The following GNA14 variants were observed in gnomAD, a reference collection of about 807,000 sequenced individuals.
GNA14 encodes the protein guanine nucleotide-binding protein subunit alpha-14.
A neutral mutation model predicts 42.0 loss-of-function variants in GNA14; 50 were observed. That is an observed-to-expected ratio of 1.19 (90% CI 0.95 to 1.51). GNA14 has a LOEUF of 1.51. Ranked by LOEUF, GNA14 falls within the 40% of genes most tolerant of loss-of-function variation. The probability of loss-of-function intolerance (pLI) is 0.00; values close to 1 mark genes in which losing one functional copy is unlikely to be tolerated. For missense variants in GNA14, 473 were observed against 446.2 expected (o/e 1.06, Z -0.54); for synonymous variants, 173 against 163.1 (o/e 1.06, Z -0.46).
At chr9:77,479,955 A>C (rs1374203047) in intron 2 of GNA14, among the ~76,000 whole-genome samples, 3 of 152,022 alleles carry the variant, frequency 2.0e-5, no homozygotes, top group Non-Finnish European at 4.4e-5. Context: ...TTTGGGCTGA[A>C]ATGATGGGGT....
At chr9:77,448,499 A>G (rs137963955) in intron 2 of GNA14, among the ~76,000 whole-genome samples, 182 of 152,324 alleles carry the variant, frequency 1.2e-3, no homozygotes, top group Non-Finnish European at 1.8e-3. Flanking sequence ...AGGCTAAGCT[A>G]TTCTGTTTGG....
At chr9:77,484,127 T>C (rs1249171096) in intron 2 of GNA14, among the ~76,000 whole-genome samples, 3 of 152,046 alleles carry the variant, frequency 2.0e-5, no homozygotes, top group Admixed American at 2.0e-4. Context: ...AAATAACAAC[T>C]GGAACACAGT....
Position 77,538,080 on chromosome 9 carries a change from T to C in GNA14, c.125-8827A>G, listed in dbSNP as rs200465014. ...TACAGAAGCTTCTTTTTTTTTTTTT[T>C]CCCTTAAAGAGACAAGGTTTCATTC... On this transcript the variant is annotated intron_variant, in intron 1 of 6. Transcript: ENST00000341700. 4.7e-3 allele frequency among the ~76,000 whole-genome samples: 710 copies of C among 151,130 alleles called. 9 individuals carry two copies. Among genetic ancestry groups the C allele is most frequent in the African/African-American group, 0.014 (595 of 41,138 alleles).
chr9:77,487,025 A>G (rs1317592167), intron 2 of GNA14, among the ~76,000 whole-genome samples: 1 of 152,066 alleles, frequency 6.6e-6, no homozygotes, highest in Non-Finnish European at 1.5e-5. Flanking sequence ...TGTTAAAAAA[A>G]AAAAAAAGGC....
Position 77,586,976 on chromosome 9 carries a change from G to GT in GNA14, c.125-57724dup, listed in dbSNP as rs3052396. On this transcript the variant is annotated intron_variant, in intron 1 of 6. Coordinates refer to ENST00000341700, the MANE Select transcript of GNA14 (RefSeq NM_004297.4). Reference sequence around the variant, plus strand: ...GTCTGCAGCTCGATTTTACAGGCTGGTTTTTTTTTTTTTTTTAATAGAAAA... The same window carrying GT: ...GTCTGCAGCTCGATTTTACAGGCTGGTTTTTTTTTTTTTTTTTAATAGAAAA... Among the ~76,000 whole-genome samples the GT allele has an allele frequency of 2.9e-3, 419 of 142,996 alleles. 2 individuals are homozygous for GT. The highest frequency in any genetic ancestry group is 0.011 in the East Asian group (54 of 4,852). The allele number at this position is 142,996 out of a possible 152,430, so 93.8% of individuals were successfully genotyped here. A position where few individuals can be genotyped will look rare whatever the true frequency, so the allele number is the denominator to read the frequency against.
intron 2 of GNA14, among the ~76,000 whole-genome samples, chr9:77,493,149 T>A (rs1353163810): frequency 6.6e-6 from 1 of 150,490 alleles, no homozygotes; most frequent in Middle Eastern, 3.2e-3. Flanking sequence ...CATAGGACAT[T>A]TGAAGGATTG....
intron 2 of GNA14, among the ~76,000 whole-genome samples, chr9:77,516,523 C>T (rs62573375): frequency 0.13 from 19,270 of 152,154 alleles, 1,549 homozygotes; most frequent in East Asian, 0.2. Flanking sequence ...GCCAGGAGTT[C>T]GAGACCAGCC....
chr9:77,603,703 C>T (rs1190891111), intron 1 of GNA14, among the ~76,000 whole-genome samples: 2 of 151,988 alleles, frequency 1.3e-5, no homozygotes, highest in African/African-American at 2.4e-5. Context: ...CAGTGGCTCA[C>T]GCCTGTAATC....
intron 2 of GNA14, among the ~76,000 whole-genome samples, chr9:77,509,989 A>G (rs1339302712): frequency 1.3e-5 from 2 of 152,192 alleles, no homozygotes; most frequent in African/African-American, 4.8e-5. Context: ...CACTTTTCGT[A>G]TTTACAATTT....
intron 1 of GNA14, among the ~76,000 whole-genome samples, chr9:77,559,072 T>C (rs1287083546): frequency 6.6e-6 from 1 of 152,174 alleles, no homozygotes; most frequent in African/African-American, 2.4e-5. Context: ...TGAGGATGAT[T>C]TAAAGCCTGT....
chr9:77,566,762 T>G (rs1822974629), intron 1 of GNA14, among the ~76,000 whole-genome samples: 1 of 152,156 alleles, frequency 6.6e-6, no homozygotes, highest in South Asian at 2.1e-4. Flanking sequence ...CACCCTTTTA[T>G]GAAATGTCTT....
intron 1 of GNA14, among the ~76,000 whole-genome samples, chr9:77,595,211 G>T (rs531856280): frequency 6.6e-6 from 1 of 152,022 alleles, no homozygotes; most frequent in Non-Finnish European, 1.5e-5. Flanking sequence ...CAGAGCTGAT[G>T]CTTGGTGAAT....
At chr9:77,562,165 A>G (rs1392988585) in intron 1 of GNA14, among the ~76,000 whole-genome samples, 1 of 152,230 alleles carries the variant, frequency 6.6e-6, no homozygotes, top group Non-Finnish European at 1.5e-5. Flanking sequence ...CCCTTCTCTC[A>G]TGGAAATTAT....
intron 1 of GNA14, among the ~76,000 whole-genome samples, chr9:77,539,962 G>C (rs937310806): frequency 7.9e-5 from 12 of 151,678 alleles, no homozygotes; most frequent in African/African-American, 2.7e-4. Flanking sequence ...TTGATCTTTT[G>C]TACTTTTTTT....
At chr9:77,592,533 C>T (rs959147669) in intron 1 of GNA14, among the ~76,000 whole-genome samples, 3 of 152,124 alleles carry the variant, frequency 2.0e-5, no homozygotes, top group African/African-American at 7.2e-5. Flanking sequence ...GGGGTAGTGG[C>T]CACCCCTTTG....
At position 77,518,744 on chromosome 9, in the gene GNA14, T is replaced by C. The variant is rs755820908; in HGVS notation, c.309+10325A>G. 9.8e-5 allele frequency among the ~76,000 whole-genome samples: 15 copies of C among 152,332 alleles called. No homozygotes were observed. The South Asian group carries it at 2.1e-3, about 21-fold the overall frequency. ...TCATCTTCTTATCTTTAATGAATTG[T>C]GTACCCACACACAGAAGCAAATAAC... is the stretch of plus-strand genomic sequence containing the variant. On this transcript the variant is annotated intron_variant, in intron 2 of 6. Coordinates refer to ENST00000341700, the MANE Select transcript of GNA14 (RefSeq NM_004297.4).
chr9:77,644,038 G>A (rs1274820126), intron 1 of GNA14, among the ~76,000 whole-genome samples: 2 of 152,068 alleles, frequency 1.3e-5, no homozygotes, highest in African/African-American at 2.4e-5. Flanking sequence ...TAGTCCTCCC[G>A]CCAAAGTTTT....
rs144886034 is a variant in GNA14 at position 77,590,042 on chromosome 9, G to A, written c.124+57628C>T. 4.7e-3 allele frequency among the ~76,000 whole-genome samples: 707 copies of A among 152,004 alleles called. 3 individuals carry two copies. The highest frequency in any genetic ancestry group is 0.015 in the African/African-American group (609 of 41,456). On this transcript the variant is annotated intron_variant, in intron 1 of 6. Transcript: ENST00000341700. The stretch of plus-strand genomic sequence containing the variant: ...AGTGATTCTCCTGCCTCAGCCTCCC[G>A]AGTAACTGGAACTACAGGTGCCTGC...
At chr9:77,449,241 G>A (rs996990595) in intron 2 of GNA14, among the ~76,000 whole-genome samples, 1 of 152,156 alleles carries the variant, frequency 6.6e-6, no homozygotes, top group Non-Finnish European at 1.5e-5. Context: ...AACCATATAG[G>A]TTTGTGTAAG....
Sources: gnomAD v4.1 joint callset for allele counts (sites outside exome capture counted in the v4.1 genomes callset) on GRCh38, gnomAD v4.1.1 for gene constraint, MANE v1.5 for transcripts, NCBI Gene and HGNC (gene_info 2026-07-23, HGNC 2026-07-21) for gene names.